Variants in BRCA1 observed in about 807,000 individuals in gnomAD.
The protein encoded by BRCA1 is breast cancer type 1 susceptibility protein.
A neutral mutation model predicts 173.7 loss-of-function variants in BRCA1; 140 were observed. That is an observed-to-expected ratio of 0.81 (90% CI 0.70 to 0.93). BRCA1 has a LOEUF of 0.93. Ranked by LOEUF, BRCA1 falls within the 40% of genes least tolerant of loss-of-function variation. The pLI is 0.00. For missense variants in BRCA1, 1,983 were observed against 2,172.5 expected, an observed-to-expected ratio of 0.91 and a Z score of 1.73; for synonymous variants, 662 against 756.0, an observed-to-expected ratio of 0.88 and a Z score of 2.04.
At chr17:43,076,224 T>A (rs2052703377) in intron 13 of BRCA1, among the ~76,000 whole-genome samples, 1 of 152,152 alleles carries the variant, frequency 6.6e-6, no homozygotes, top group African/African-American at 2.4e-5. Context: ...CCAAGCTTGT[T>A]CAGGTTTTAC....
chr17:43,167,663 G>A (rs531627597), intron 1 of BRCA1: 37 of 152,092 alleles, frequency 2.4e-4, no homozygotes, highest in African/African-American at 8.7e-4. Context: ...GCAGAAATTG[G>A]GCATAAGACA....
chr17:43,132,560 CTCTT>C (rs981818418), intron 1 of BRCA1: 3 of 151,716 alleles, frequency 2.0e-5, no homozygotes, highest in African/African-American at 7.3e-5. Context: ...GTTACTTAAC[CTCTT>C]TTTTTTTTTT....
At chr17:43,118,317 G>A (rs1174119578) in intron 2 of BRCA1, among the ~76,000 whole-genome samples, 1 of 152,008 alleles carries the variant, frequency 6.6e-6, no homozygotes, top group Non-Finnish European at 1.5e-5. Flanking sequence ...GAGGTAGCTG[G>A]TAACTTCTGG....
Position 43,074,386 on chromosome 17 carries a change from T to C in BRCA1, c.4620A>G (p.Glu1540=), listed in dbSNP as rs769566412. Residue 1540 remains glutamate, a synonymous_variant, in exon 14 of 23, where the codon GAA becomes GAG. Coordinates refer to ENST00000357654, the MANE Select transcript of BRCA1 (RefSeq NM_007294.4). The part of the protein sequence containing the change: ...KVVDVEEQQL[E]ESGPHDLTET... ...CCGTCAAATCGTGTGGCCCAGACTC[T>C]TCCAGCTGTTGCTCCTCCACATCAA... 1 of 1,614,156 alleles carries C rather than the reference T, an allele frequency of 6.2e-7. No homozygotes were observed. The highest frequency in any genetic ancestry group is 8.5e-7 in the Non-Finnish European group (1 of 1,180,012).
chr17:43,131,285 G>A, intron 1 of BRCA1: 1 of 462,870 alleles, frequency 2.2e-6, no homozygotes, highest in Admixed American at 2.4e-5. Context: ...AGTATATTAT[G>A]GTACTTATTG....
At chr17:43,104,774 G>T (rs2054663641) in intron 5 of BRCA1, 94 bp downstream of exon 5, 1 of 1,116,908 alleles carries the variant, frequency 9.0e-7, no homozygotes, top group South Asian at 1.2e-5. Context: ...AGACTAAAAG[G>T]TCTTATCACC....
At chr17:43,142,884 C>CAGT (rs1322474326) in intron 1 of BRCA1, among the ~76,000 whole-genome samples, 2 of 151,400 alleles carry the variant, frequency 1.3e-5, no homozygotes, top group Non-Finnish European at 2.9e-5. Flanking sequence ...GCTGGGATTA[C>CAGT]AGGCATGTGC....
At chr17:43,126,245 C>T (rs1326157718), upstream of BRCA1, among the ~76,000 whole-genome samples, 1 of 152,240 alleles carries the variant, frequency 6.6e-6, no homozygotes, top group Non-Finnish European at 1.5e-5. Flanking sequence ...TGCTTTTGCC[C>T]CGTCTCCGTC....
chr17:43,108,578 C>T (rs1271532817), intron 3 of BRCA1, among the ~76,000 whole-genome samples: 4 of 150,870 alleles, frequency 2.7e-5, no homozygotes, highest in South Asian at 2.1e-4. Flanking sequence ...GGTGGGCACA[C>T]GCCTGAGTCC....
chr17:43,049,088 T>A lies in BRCA1; in HGVS notation c.5406+33A>T, dbSNP rs80358092. The A allele has an allele frequency of 2.8e-4, 448 of 1,594,272 alleles. No individual in the cohort carries two copies. In the East Asian group the frequency reaches 8.0e-3, roughly 28 times the overall value. Reference sequence around the variant, plus strand: ...CTTGCTCACAGGAGAGAATATTGTGTCCTCCCTCTCTGACAGGGCACCCAA... The same window carrying A: ...CTTGCTCACAGGAGAGAATATTGTGACCTCCCTCTCTGACAGGGCACCCAA... On this transcript the variant is annotated intron_variant, in intron 21 of 22. Transcript: ENST00000357654.
At chr17:43,127,089 C>A (rs912640066), upstream of BRCA1, among the ~76,000 whole-genome samples, 1 of 152,332 alleles carries the variant, frequency 6.6e-6, no homozygotes, top group Admixed American at 6.5e-5. Flanking sequence ...GCCCGCCATG[C>A]CCGAGCCCCC....
At position 43,106,514 on chromosome 17, in the gene BRCA1, G is replaced by A. The variant is rs80357084; in HGVS notation, c.154C>T (p.Leu52Phe). The change falls in exon 4 of 23, where the codon CTC becomes TTC. Residue 52 changes from leucine (L) to phenylalanine (F), a missense_variant. By Grantham distance (22) the Leu-to-Phe change is conservative (BLOSUM62 0). Coordinates refer to ENST00000357654, the MANE Select transcript of BRCA1 (RefSeq NM_007294.4). The stretch of plus-strand genomic sequence containing the variant: ...TGTGAAGGCCCTTTCTTCTGGTTGA[G>A]AAGTTTCAGCATGCAAAATCTATAA... ...IFCKFCMLKL[L>F]NQKKGPSQCP... is the part of the protein sequence containing the mutation. 6.5e-5 allele frequency: 104 copies of A among 1,600,984 alleles called. 1 individual carries two copies. The East Asian group carries it at 2.3e-3, about 35-fold the overall frequency.
chr17:43,122,388 C>T (rs565275419), intron 2 of BRCA1, among the ~76,000 whole-genome samples: 1 of 152,166 alleles, frequency 6.6e-6, no homozygotes, highest in South Asian at 2.1e-4. Flanking sequence ...TCCCAAGTAC[C>T]GTTCTAACTA....
intron 3 of BRCA1, among the ~76,000 whole-genome samples, chr17:43,106,831 A>G (rs924777695): frequency 9.2e-5 from 14 of 152,356 alleles, no homozygotes; most frequent in African/African-American, 3.4e-4. Flanking sequence ...TGATATATTC[A>G]TAATTATTTC....
Position 43,093,829 on chromosome 17 carries a change from G to A in BRCA1, c.1702C>T (p.Pro568Ser), listed in dbSNP as rs755122577. The part of the protein sequence containing the change: ...KGDSIQNEKN[P>S]NPIESLEKES... ...TTTTCGAGTGATTCTATTGGGTTAG[G>A]ATTTTTCTCATTCTGAATAGAATCA... Residue 568 changes from proline (P) to serine (S), a missense_variant, in exon 10 of 23, where the codon CCT (proline) becomes TCT (serine). Physicochemically the swap from Pro to Ser is moderately conservative, Grantham distance 74. Coordinates refer to ENST00000357654, the MANE Select transcript of BRCA1 (RefSeq NM_007294.4). 2 of 1,613,190 alleles carry A rather than the reference G, an allele frequency of 1.2e-6. No homozygotes were observed. Among genetic ancestry groups the A allele is most frequent in the African/African-American group, 2.7e-5 (2 of 74,818 alleles).
At position 43,093,284 on chromosome 17, in the gene BRCA1, A is replaced by G. The variant is rs1289739423; in HGVS notation, c.2247T>C (p.Asp749=). 6.2e-7 allele frequency: 1 copy of G among 1,614,044 alleles called. No homozygotes were observed. The highest frequency in any genetic ancestry group is 2.2e-5 in the East Asian group (1 of 44,878). The change falls in exon 10 of 23, where the codon GAT becomes GAC. Residue 749 remains aspartate (D), a synonymous_variant. Transcript: ENST00000357654. The part of the protein sequence containing the change: ...KVSNNAEDPK[D]LMLSGERVLQ... ...AAACCCTTTCTCCACTTAACATGAG[A>G]TCTTTGGGGTCTTCAGCATTATTAG...
intron 1 of BRCA1, among the ~76,000 whole-genome samples, chr17:43,143,330 G>A (rs2056093151): frequency 6.6e-6 from 1 of 152,042 alleles, no homozygotes; most frequent in Non-Finnish European, 1.5e-5. Context: ...AGGAACTTTG[G>A]GAGATAATTG....
At chr17:43,049,530 A>T (rs1004954118) in intron 20 of BRCA1, among the ~76,000 whole-genome samples, 2 of 152,108 alleles carry the variant, frequency 1.3e-5, no homozygotes, top group African/African-American at 4.8e-5. Context: ...GTGTGAAAAA[A>T]CACCCACCTT....
chr17:43,044,804 C>A lies in BRCA1; in HGVS notation c.*874G>T, dbSNP rs940227471. The A allele has an allele frequency of 3.7e-5, 14 of 381,496 alleles. No homozygotes were observed. The highest frequency in any genetic ancestry group is 5.9e-5 in the Non-Finnish European group (12 of 203,934). 23.6% of individuals were successfully genotyped at this position (381,496 alleles called of 1,614,324 possible). On this transcript the variant is annotated 3_prime_UTR_variant, in exon 23 of 23. Transcript: ENST00000357654. ...AGAAATCTCTTCTAGTTTCATTTTC[C>A]TTTTTTTTTTTTTTTTTTTGAGCCA...
Sources: allele counts gnomAD v4.1 joint callset (sites outside exome capture counted in the v4.1 genomes callset), GRCh38; gene constraint gnomAD v4.1.1; transcripts MANE v1.5; gene names NCBI Gene and HGNC (gene_info 2026-07-23, HGNC 2026-07-21).